NSUN4: variants seen among roughly 807,000 people sequenced by gnomAD.
NSUN4 encodes the protein NOP2/Sun RNA methyltransferase 4, also known as 5-cytosine rRNA methyltransferase NSUN4.
In NSUN4, 31 loss-of-function variants were observed where a neutral mutation model predicts 43.8. The ratio of observed to expected loss-of-function variants is 0.71; its 90% CI spans 0.53 to 0.96. The LOEUF is 0.96. Ranked by LOEUF, NSUN4 falls within the 40% of genes least tolerant of loss-of-function variation. The pLI is 0.00. For missense variants in NSUN4, 439 were observed against 475.6 expected (o/e 0.92, Z 0.72); for synonymous variants, 167 against 184.1 (o/e 0.91, Z 0.75).
At chr1:46,376,508 CT>C in the NSUN4 span, among the ~76,000 whole-genome samples, 1 of 151,724 alleles carries the variant, frequency 6.6e-6, no homozygotes, top group Non-Finnish European at 1.5e-5. Flanking sequence ...AAAATTTTCA[CT>C]GACTCAAGAT....
At chr1:46,348,806 C>CTTTT (rs1662729613) in intron 3 of NSUN4, among the ~76,000 whole-genome samples, 13 of 81,072 alleles carry the variant, frequency 1.6e-4, no homozygotes, top group Non-Finnish European at 2.9e-4. Flanking sequence ...GCCTTGTGCA[C>CTTTT]TGTTTTTTTT....
chr1:46,342,743 T>A (rs1662202119), intron 1 of NSUN4: 1 of 398,324 alleles, frequency 2.5e-6, no homozygotes, highest in African/African-American at 2.1e-5. Context: ...CCACTCCAGT[T>A]TCCCCCCAAC....
chr1:46,341,447 A>G (rs1391077729), intron 1 of NSUN4: 2 of 1,011,000 alleles, frequency 2.0e-6, no homozygotes, highest in Non-Finnish European at 1.2e-6. Flanking sequence ...CGACCGGGCA[A>G]GGTTACAGCG....
chr1:46,359,275 A>T (rs555150409), intron 4 of NSUN4, among the ~76,000 whole-genome samples: 1 of 152,192 alleles, frequency 6.6e-6, no homozygotes, highest in Non-Finnish European at 1.5e-5. Context: ...CAAACAAACA[A>T]ATAAACTGGG....
chr1:46,369,593 A>T (rs1000790375), downstream of NSUN4, among the ~76,000 whole-genome samples: 1 of 152,210 alleles, frequency 6.6e-6, no homozygotes, highest in Non-Finnish European at 1.5e-5. Context: ...GTTTAAACAG[A>T]GCTGAAGATA....
At chr1:46,384,962 A>G in the NSUN4 span, among the ~76,000 whole-genome samples, 5 of 152,210 alleles carry the variant, frequency 3.3e-5, no homozygotes, top group African/African-American at 1.2e-4. Flanking sequence ...TAAGAAATTG[A>G]TCTTTTGGTT....
the NSUN4 span, among the ~76,000 whole-genome samples, chr1:46,371,469 C>T: frequency 2.0e-5 from 3 of 152,108 alleles, no homozygotes; most frequent in African/African-American, 7.2e-5. Flanking sequence ...CCACGCCTGG[C>T]TAATTTTTTT....
At chr1:46,348,339 T>C (rs1039735035) in intron 3 of NSUN4, among the ~76,000 whole-genome samples, 2 of 152,204 alleles carry the variant, frequency 1.3e-5, no homozygotes, top group Non-Finnish European at 2.9e-5. Context: ...TCTCCTACGC[T>C]CCCACAGCAT....
chr1:46,341,639 A>G (rs1473545421), intron 1 of NSUN4: 2 of 1,190,764 alleles, frequency 1.7e-6, no homozygotes, highest in Non-Finnish European at 2.1e-6. Flanking sequence ...CACCTCCACC[A>G]TCTCTTCCAC....
downstream of NSUN4, among the ~76,000 whole-genome samples, chr1:46,366,805 C>A (rs1005180817): frequency 4.0e-5 from 6 of 150,776 alleles, no homozygotes; most frequent in African/African-American, 1.5e-4. Context: ...TATTGAGAGA[C>A]CTGGAAGCTT....
At chr1:46,355,303 C>A (rs10157084) in intron 4 of NSUN4, among the ~76,000 whole-genome samples, 16 of 152,136 alleles carry the variant, frequency 1.1e-4, no homozygotes, top group African/African-American at 3.6e-4. Flanking sequence ...TGAACACTTA[C>A]AATGTTAGGA....
At chr1:46,357,421 C>G (rs56030283) in intron 4 of NSUN4, among the ~76,000 whole-genome samples, 34,097 of 152,192 alleles carry the variant, frequency 0.22, 4,292 homozygotes, top group Non-Finnish European at 0.29. Context: ...GGGCTAAAGC[C>G]ATCCGCCCGC....
chr1:46,348,119 A>T (rs1456381873), intron 3 of NSUN4, among the ~76,000 whole-genome samples: 1 of 152,022 alleles, frequency 6.6e-6, no homozygotes, highest in Non-Finnish European at 1.5e-5. Context: ...TGACCTTGTG[A>T]TCTGCCCGCC....
At chr1:46,355,989 G>A (rs1391416263) in intron 4 of NSUN4, among the ~76,000 whole-genome samples, 1 of 151,468 alleles carries the variant, frequency 6.6e-6, no homozygotes, top group Non-Finnish European at 1.5e-5. Context: ...ATTCCAGCCT[G>A]GGGAACAAGA....
rs1662196473 is a variant in NSUN4 at position 46,342,652 on chromosome 1, C to T, written c.93+1733C>T. On this transcript the variant is annotated intron_variant, in intron 1 of 5. Coordinates refer to ENST00000474844, the MANE Select transcript of NSUN4 (RefSeq NM_199044.4). ...CCCCATGGTCCTCATTCTGTCCTTT[C>T]CTTCCCTTCACCCCTGGGCAACCAG... is the stretch of plus-strand genomic sequence containing the variant. 14 of 399,204 alleles carry T rather than the reference C, an allele frequency of 3.5e-5. No individual in the cohort carries two copies. In the East Asian group the frequency reaches 5.0e-4, roughly 14 times the overall value. The allele number at this position is 399,204 out of a possible 1,614,324, so 24.7% of individuals were successfully genotyped here.
intron 3 of NSUN4, among the ~76,000 whole-genome samples, chr1:46,349,136 G>GT (rs1662778523): frequency 7.5e-5 from 8 of 107,162 alleles, no homozygotes; most frequent in Admixed American, 6.4e-4. Flanking sequence ...TTTTTGGTTT[G>GT]TTTTTTTGTT....
chr1:46,362,762 G>A lies in NSUN4; in HGVS notation c.*916G>A, dbSNP rs1466172832. ...GACTTTTTGTTGTTTCTAGTCTGCA[G>A]CTGAGCTCTGGTGCCTGTTCTTTGG... On this transcript the variant is annotated 3_prime_UTR_variant, in exon 6 of 6. Coordinates refer to ENST00000474844, the MANE Select transcript of NSUN4 (RefSeq NM_199044.4). 6.6e-6 allele frequency: 1 copy of A among 152,092 alleles called. No homozygotes were observed. The highest frequency in any genetic ancestry group is 1.5e-5 in the Non-Finnish European group (1 of 68,042). 9.4% of individuals were successfully genotyped at this position (152,092 alleles called of 1,614,324 possible).
chr1:46,364,141 C>T lies in NSUN4; in HGVS notation c.*2295C>T, dbSNP rs1179316042. On this transcript the variant is annotated 3_prime_UTR_variant, in exon 6 of 6. Transcript: ENST00000474844. ...CAATGTAGTGAGACCTGGTCTTTACCAAAAAAAAAAAAAAAAAAATTAGCT... is the reference window on the plus strand; with the variant it reads ...CAATGTAGTGAGACCTGGTCTTTACTAAAAAAAAAAAAAAAAAAATTAGCT... The T allele has an allele frequency of 9.1e-6, 1 of 110,480 alleles. No individual in the cohort carries two copies. 6.8% of individuals were successfully genotyped at this position (110,480 alleles called of 1,614,324 possible).
At chr1:46,348,674 A>C (rs1662706950) in intron 3 of NSUN4, among the ~76,000 whole-genome samples, 1 of 135,266 alleles carries the variant, frequency 7.4e-6, no homozygotes, top group East Asian at 2.3e-4. Flanking sequence ...ACGCCATTGC[A>C]CTTCCGCTTG....
Sources: gnomAD v4.1 joint callset for allele counts (sites outside exome capture counted in the v4.1 genomes callset) on GRCh38, gnomAD v4.1.1 for gene constraint, MANE v1.5 for transcripts, NCBI Gene and HGNC (gene_info 2026-07-23, HGNC 2026-07-21) for gene names.